IFT140: variants seen among roughly 807,000 people sequenced by gnomAD.
The protein encoded by IFT140 is intraflagellar transport 140.
In IFT140, 133 loss-of-function variants were observed where a neutral mutation model predicts 164.6. The observed-to-expected ratio is 0.81, with a 90% confidence interval of 0.70 to 0.93. The LOEUF is 0.93. IFT140 is among the 40% of genes least tolerant of loss of function. The pLI, the probability that IFT140 is intolerant of heterozygous loss-of-function variation, is 0.00. For missense variants in IFT140, 2,045 were observed against 1,972.3 expected (o/e 1.04, Z -0.70); for synonymous variants, 860 against 817.3 (o/e 1.05, Z -0.89).
intron 19 of IFT140, among the ~76,000 whole-genome samples, chr16:1,539,292 A>G (rs1249705156): frequency 6.6e-6 from 1 of 151,686 alleles, no homozygotes; most frequent in Non-Finnish European, 1.5e-5. Flanking sequence ...CAAGCCGCAC[A>G]GTGCCAGTGA....
intron 22 of IFT140, 151 bp downstream of exon 22, chr16:1,525,080 C>G: frequency 8.4e-7 from 1 of 1,187,850 alleles, no homozygotes; most frequent in Non-Finnish European, 1.2e-6. Context: ...GAGGGCCTGG[C>G]TCAGGGCCCT....
intron 15 of IFT140, among the ~76,000 whole-genome samples, chr16:1,567,468 A>C (rs1429756985): frequency 6.6e-6 from 1 of 151,500 alleles, no homozygotes; most frequent in African/African-American, 2.4e-5. Context: ...CTGGGCTGTC[A>C]CCCCCTCAGC....
chr16:1,525,750 G>C, intron 21 of IFT140, 137 bp downstream of exon 21: 1 of 923,566 alleles, frequency 1.1e-6, no homozygotes, highest in Non-Finnish European at 1.6e-6. Context: ...GCTTCCTGCC[G>C]AGAAGGCTGC....
chr16:1,594,710 C>G lies in IFT140; in HGVS notation c.370-2122G>C, dbSNP rs185316915. 3.9e-3 allele frequency among the ~76,000 whole-genome samples: 588 copies of G among 152,350 alleles called. 9 individuals carry two copies. The highest frequency in any genetic ancestry group is 7.5e-3 in the Admixed American group (115 of 15,302). On this transcript the variant is annotated intron_variant, in intron 4 of 30. Coordinates refer to ENST00000426508, the MANE Select transcript of IFT140 (RefSeq NM_014714.4). ...GGAGTTCGGGAAGGGGAGGACGGCT[C>G]CACAGGGACAGCCGGCGGGGCCTCC... is the stretch of plus-strand genomic sequence containing the variant.
chr16:1,605,167 G>A (rs1179291184), intron 3 of IFT140, among the ~76,000 whole-genome samples: 1 of 152,160 alleles, frequency 6.6e-6, no homozygotes, highest in Admixed American at 6.5e-5. Context: ...TCACAAGCTG[G>A]AAATGGAGGA....
rs183179784 is a variant in IFT140 at position 1,516,680 on chromosome 16, G to A, written c.4182+1536C>T. Among the ~76,000 whole-genome samples the A allele has an allele frequency of 3.3e-5, 5 of 149,328 alleles. No individual in the cohort carries two copies. In the East Asian group the frequency reaches 1.0e-3, roughly 30 times the overall value. ...AGCTACTCGGGAGGCTGAGGTAGGA[G>A]AATGGCGTGAACCCGGGAGGCAGAG... On this transcript the variant is annotated intron_variant, in intron 30 of 30. Coordinates refer to ENST00000426508, the MANE Select transcript of IFT140 (RefSeq NM_014714.4).
chr16:1,575,328 T>C (rs2034220714), intron 13 of IFT140, among the ~76,000 whole-genome samples: 1 of 151,828 alleles, frequency 6.6e-6, no homozygotes, highest in Non-Finnish European at 1.5e-5. Flanking sequence ...TGAGCTATGA[T>C]GGCACCACTG....
chr16:1,596,161 C>G (rs1230913989), intron 4 of IFT140, among the ~76,000 whole-genome samples: 1 of 145,134 alleles, frequency 6.9e-6, no homozygotes, highest in African/African-American at 2.6e-5. Context: ...GAGAAAACCC[C>G]CCACCTAATG....
intron 18 of IFT140, among the ~76,000 whole-genome samples, chr16:1,559,692 T>C (rs1352300489): frequency 1.3e-5 from 2 of 152,222 alleles, no homozygotes; most frequent in Non-Finnish European, 2.9e-5. Flanking sequence ...TGAGCTTTGC[T>C]AGGTGAGAGG....
chr16:1,578,594 A>G (rs1159106764), intron 13 of IFT140, among the ~76,000 whole-genome samples: 2 of 147,514 alleles, frequency 1.4e-5, no homozygotes, highest in South Asian at 4.3e-4. Context: ...AAAAAAAAAA[A>G]GACATGGCCG....
At chr16:1,592,347 T>C (rs2035223089) in intron 5 of IFT140, 29 bp from the exon 6 acceptor site, 1 of 1,613,784 alleles carries the variant, frequency 6.2e-7, no homozygotes, top group African/African-American at 1.3e-5. Context: ...CGAAGCAAGA[T>C]TCTTCTGCCA....
chr16:1,588,527 A>AATAATAATAATAATAAT (rs2035012762), intron 7 of IFT140, among the ~76,000 whole-genome samples: 71 of 145,448 alleles, frequency 4.9e-4, no homozygotes, highest in African/African-American at 1.8e-3. Flanking sequence ...TCCGTCTCAA[A>AATAATAATAATAATAAT]AATAATAATA....
rs773457667 is a variant in IFT140, at chr16:1,557,928, T to A, written c.2399+7A>T. ...TCTCCCAACATCCCAGTGGTCGGGA[T>A]CCTCACCTTTTGATGAGCTTGATGG... On this transcript the variant is annotated splice_region_variant and intron_variant, in intron 19 of 30. Transcript: ENST00000426508. 2 of 1,612,642 alleles carry A rather than the reference T, an allele frequency of 1.2e-6. No individual in the cohort carries two copies. The highest frequency in any genetic ancestry group is 1.7e-6 in the Non-Finnish European group (2 of 1,179,368).
At position 1,526,048 on chromosome 16, in the gene IFT140, G is replaced by C. The variant is rs2040684314; in HGVS notation, c.2607C>G (p.Cys869Trp). The C allele has an allele frequency of 1.3e-6, 2 of 1,598,336 alleles. No individual in the cohort carries two copies. The highest frequency in any genetic ancestry group is 1.7e-6 in the Non-Finnish European group (2 of 1,172,884). The change falls in exon 21 of 31, where the codon TGC becomes TGG. Residue 869 changes from cysteine to tryptophan, a missense_variant. Transcript: ENST00000426508. Reference sequence around the variant, plus strand: ...ACTTGTTCAGGAGGTCGTGGCGCTTGCACTTCCTGTACAGCTGCTCGGCGT... The same window carrying C: ...ACTTGTTCAGGAGGTCGTGGCGCTTCCACTTCCTGTACAGCTGCTCGGCGT... The part of the protein sequence containing the change: ...LEDAEQLYRK[C>W]KRHDLLNKFY...
intron 30 of IFT140, among the ~76,000 whole-genome samples, chr16:1,512,615 T>G (rs916382503): frequency 3.3e-5 from 5 of 152,214 alleles, no homozygotes; most frequent in Admixed American, 2.6e-4. Context: ...ACTCCAATTT[T>G]GCTTTTATAC....
At chr16:1,554,019 T>C (rs1489941111) in intron 19 of IFT140, 6 of 1,286,952 alleles carry the variant, frequency 4.7e-6, no homozygotes, top group Non-Finnish European at 4.0e-6. Context: ...ACGGCCCACC[T>C]CTCCTTCTCT....
At chr16:1,571,886 G>A (rs2034034832) in intron 13 of IFT140, among the ~76,000 whole-genome samples, 1 of 152,184 alleles carries the variant, frequency 6.6e-6, no homozygotes, top group African/African-American at 2.4e-5. Context: ...TGGGATCTCA[G>A]GAAAGTGCCA....
At position 1,551,562 on chromosome 16, in the gene IFT140, G is replaced by A. The variant is rs1274516581; in HGVS notation, c.2399+6373C>T. On this transcript the variant is annotated intron_variant, in intron 19 of 30. Transcript: ENST00000426508. This position sits in a 1 kb window ranked among gnomAD's most constrained non-coding sequence, Gnocchi z 4.0. ...GTTTCATACAGATCAGGGTGCAGCG[G>A]TGGAGGGAGGGCCGCCTGCATCAGT... Among the ~76,000 whole-genome samples the A allele has an allele frequency of 6.6e-6, 1 of 152,192 alleles. No homozygotes were observed. The highest frequency in any genetic ancestry group is 1.5e-5 in the Non-Finnish European group (1 of 68,018).
intron 18 of IFT140, among the ~76,000 whole-genome samples, chr16:1,561,125 G>A (rs985622665): frequency 9.9e-5 from 15 of 152,216 alleles, no homozygotes; most frequent in South Asian, 4.1e-4. Context: ...CACGTGACTC[G>A]GGATGCTCCC....
Sources: allele counts gnomAD v4.1 joint callset (sites outside exome capture counted in the v4.1 genomes callset), GRCh38; gene constraint gnomAD v4.1.1; non-coding constraint Gnocchi (gnomAD v3.1); transcripts MANE v1.5; gene names NCBI Gene and HGNC (gene_info 2026-07-23, HGNC 2026-07-21).